The following COL19A1 variants were observed in gnomAD, a reference collection of about 807,000 sequenced individuals.
COL19A1 encodes collagen alpha-1(XIX) chain.
COL19A1 carries 159 observed loss-of-function variants against 190.2 expected under a neutral mutation model. The ratio of observed to expected loss-of-function variants is 0.84; its 90% CI spans 0.73 to 0.95. The LOEUF (loss-of-function observed/expected upper bound fraction) is 0.95, where lower values mean the gene tolerates loss of function less well. Among genes scored for constraint, COL19A1 ranks in the 40% least tolerant of loss-of-function variants. The pLI is 0.00. For synonymous variants in COL19A1, 509 were observed against 458.9 expected (o/e 1.11, Z -1.39); for missense variants, 1,418 against 1,431.9 (o/e 0.99, Z 0.16).
intron 17 of COL19A1, among the ~76,000 whole-genome samples, chr6:70,124,166 G>A (rs1785057856): frequency 6.6e-6 from 1 of 152,020 alleles, no homozygotes; most frequent in Admixed American, 6.6e-5. Context: ...GTGAAAAAAA[G>A]AATGCTGAAG....
At chr6:69,999,655 G>GT (rs952029159) in intron 11 of COL19A1, among the ~76,000 whole-genome samples, 10 of 152,250 alleles carry the variant, frequency 6.6e-5, no homozygotes, top group African/African-American at 2.4e-4. Context: ...ACTGAAATTT[G>GT]TAAATACATT....
At chr6:69,944,697 A>G (rs1364286276) in intron 9 of COL19A1, among the ~76,000 whole-genome samples, 1 of 151,988 alleles carries the variant, frequency 6.6e-6, no homozygotes, top group Non-Finnish European at 1.5e-5. Context: ...TTTCTTATCT[A>G]CTATGATGGT....
At chr6:70,160,062 T>C (rs991012107) in intron 34 of COL19A1, among the ~76,000 whole-genome samples, 1 of 152,144 alleles carries the variant, frequency 6.6e-6, no homozygotes, top group African/African-American at 2.4e-5. Flanking sequence ...CAGGAGGGAC[T>C]TCTGGCAATA....
chr6:70,029,184 T>C (rs1332471313), intron 12 of COL19A1, among the ~76,000 whole-genome samples: 1 of 152,150 alleles, frequency 6.6e-6, no homozygotes, highest in Non-Finnish European at 1.5e-5. Context: ...CATTAAGTCA[T>C]TGAAAGCTTG....
chr6:70,108,687 T>G (rs1481603517), intron 16 of COL19A1, among the ~76,000 whole-genome samples: 1 of 152,184 alleles, frequency 6.6e-6, no homozygotes, highest in Non-Finnish European at 1.5e-5. Flanking sequence ...ACCTACTTCA[T>G]GGATCTCTAA....
intron 14 of COL19A1, among the ~76,000 whole-genome samples, chr6:70,065,337 G>A (rs536744550): frequency 6.6e-6 from 1 of 152,086 alleles, no homozygotes. Context: ...TGACAAACCT[G>A]ACAAAAACAA....
At chr6:70,024,111 G>T (rs1041703394) in intron 12 of COL19A1, among the ~76,000 whole-genome samples, 1 of 151,994 alleles carries the variant, frequency 6.6e-6, no homozygotes, top group Admixed American at 6.6e-5. Flanking sequence ...AACTAACTCC[G>T]TATTGCTCCC....
chr6:69,907,560 T>C (rs531501927), intron 4 of COL19A1, among the ~76,000 whole-genome samples: 2 of 152,364 alleles, frequency 1.3e-5, no homozygotes, highest in African/African-American at 4.8e-5. Flanking sequence ...TGATATATAC[T>C]ACTAATTATG....
At chr6:69,921,535 T>A (rs1184997469) in intron 4 of COL19A1, among the ~76,000 whole-genome samples, 1 of 103,270 alleles carries the variant, frequency 9.7e-6, no homozygotes, top group Non-Finnish European at 1.9e-5. Context: ...TATATTCATG[T>A]ATATTCATAT....
chr6:70,189,190 A>T (rs77242997), intron 47 of COL19A1, among the ~76,000 whole-genome samples: 5,908 of 152,298 alleles, frequency 0.039, 154 homozygotes, highest in Non-Finnish European at 0.06. Flanking sequence ...TTACAAATGA[A>T]CTAGCACCAT....
At chr6:69,953,101 T>G (rs1452074144) in intron 9 of COL19A1, among the ~76,000 whole-genome samples, 1 of 152,070 alleles carries the variant, frequency 6.6e-6, no homozygotes, top group Non-Finnish European at 1.5e-5. Flanking sequence ...GACAATTTAT[T>G]ATAGAAATTG....
rs1467956065 is a variant in COL19A1, at chr6:70,211,801, A to G, written c.*4527A>G. On this transcript the variant is annotated 3_prime_UTR_variant, in exon 51 of 51. Transcript: ENST00000620364. ...TTTGGTTAAATTGAATGAAGAACCA[A>G]GTGAACACAGAGAAAACTTATTCGG... 6.6e-6 allele frequency among the ~76,000 whole-genome samples: 1 copy of G among 152,096 alleles called. No homozygotes were observed. Among genetic ancestry groups the G allele is most frequent in the East Asian group, 1.9e-4 (1 of 5,206 alleles).
At chr6:70,120,766 G>C (rs1233903634) in intron 16 of COL19A1, among the ~76,000 whole-genome samples, 1 of 152,052 alleles carries the variant, frequency 6.6e-6, no homozygotes, top group Non-Finnish European at 1.5e-5. Context: ...ATGTTTAGTG[G>C]CACAATGCAA....
chr6:70,150,264 T>A (rs1205904326), intron 30 of COL19A1, among the ~76,000 whole-genome samples: 1 of 152,178 alleles, frequency 6.6e-6, no homozygotes, highest in Non-Finnish European at 1.5e-5. Context: ...ATAATTCAAC[T>A]GTACAATTTT....
At chr6:70,065,213 C>T (rs1781103157) in intron 14 of COL19A1, among the ~76,000 whole-genome samples, 1 of 152,162 alleles carries the variant, frequency 6.6e-6, no homozygotes, top group African/African-American at 2.4e-5. Flanking sequence ...GACTCTACTA[C>T]AAGGCTACAG....
Position 70,209,303 on chromosome 6 carries a change from T to C in COL19A1, c.*2029T>C, listed in dbSNP as rs893966318. 6.6e-6 allele frequency: 1 copy of C among 152,584 alleles called. No homozygotes were observed. Among genetic ancestry groups the C allele is most frequent in the South Asian group, 2.1e-4 (1 of 4,830 alleles). 9.5% of individuals were successfully genotyped at this position (152,584 alleles called of 1,614,324 possible). On this transcript the variant is annotated 3_prime_UTR_variant, in exon 51 of 51. Coordinates refer to ENST00000620364, the MANE Select transcript of COL19A1 (RefSeq NM_001858.6). ...TATTTTATATGTTTTCAAAGATTAT[T>C]TTTTCATATTAATAGGTTGTTTATC...
At chr6:70,068,333 C>A in intron 14 of COL19A1, 90 bp from the exon 15 acceptor site, 1 of 902,406 alleles carries the variant, frequency 1.1e-6, no homozygotes, top group South Asian at 1.3e-5. Flanking sequence ...TTGTTTTAAT[C>A]AACAAAATAA....
At chr6:69,982,806 A>G (rs1257850131) in intron 11 of COL19A1, among the ~76,000 whole-genome samples, 1 of 150,800 alleles carries the variant, frequency 6.6e-6, no homozygotes, top group Admixed American at 6.6e-5. Flanking sequence ...CCCCGTCTCT[A>G]CTAAAAATAC....
chr6:69,891,731 T>C (rs1249318064), intron 2 of COL19A1, among the ~76,000 whole-genome samples: 1 of 152,166 alleles, frequency 6.6e-6, no homozygotes, highest in Non-Finnish European at 1.5e-5. Flanking sequence ...AAACTGTCAG[T>C]AGCTTTGGAG....
Sources: gnomAD v4.1 joint callset for allele counts (sites outside exome capture counted in the v4.1 genomes callset) on GRCh38, gnomAD v4.1.1 for gene constraint, MANE v1.5 for transcripts, NCBI Gene and HGNC (gene_info 2026-07-23, HGNC 2026-07-21) for gene names.